SNRK: variants seen among roughly 807,000 people sequenced by gnomAD.
The protein encoded by SNRK is SNF-related serine/threonine-protein kinase.
A neutral mutation model predicts 48.2 loss-of-function variants in SNRK; 3 were observed. The observed-to-expected ratio is 0.06, with a 90% CI of 0.03 to 0.16. The LOEUF (loss-of-function observed/expected upper bound fraction) is 0.16. Among genes scored for constraint, SNRK ranks in the 10% least tolerant of loss-of-function variants. The pLI is 1.00. For synonymous variants in SNRK, 376 were observed against 366.1 expected, an observed-to-expected ratio of 1.03 and a Z score of -0.31; for missense variants, 627 against 976.0, an observed-to-expected ratio of 0.64 and a Z score of 4.76.
intron 1 of SNRK, among the ~76,000 whole-genome samples, chr3:43,287,572 A>G (rs1335068708): frequency 6.6e-6 from 1 of 152,144 alleles, no homozygotes; most frequent in Non-Finnish European, 1.5e-5. Flanking sequence ...CCTTCCCTTT[A>G]ATTATGTGCA....
intron 3 of SNRK, among the ~76,000 whole-genome samples, chr3:43,321,888 A>G (rs74342330): frequency 0.01 from 1,579 of 152,334 alleles, 23 homozygotes; most frequent in African/African-American, 0.035. Flanking sequence ...TGACTTAATG[A>G]GCAGGTGAAT....
Position 43,347,367 on chromosome 3 carries a change from C to A in SNRK, c.1108C>A (p.Pro370Thr). Reference sequence around the variant, plus strand: ...GTCATGGCCAACCAAAATTGATGTACCCCAGGACCTTGAGGATGACCTCAC... The same window carrying A: ...GTCATGGCCAACCAAAATTGATGTAACCCAGGACCTTGAGGATGACCTCAC... ...RQSWPTKIDV[P>T]QDLEDDLTAT... Residue 370 changes from proline (P) to threonine (T), a missense_variant, in exon 7 of 7, where the codon CCC becomes ACC. By Grantham distance (38) the Pro-to-Thr change is conservative. Coordinates refer to ENST00000296088, the MANE Select transcript of SNRK (RefSeq NM_017719.5). This position sits in a 1 kb window ranked among gnomAD's most constrained non-coding sequence, Gnocchi z 5.4. 1 of 1,594,198 alleles carries A rather than the reference C, an allele frequency of 6.3e-7. No homozygotes were observed. Among genetic ancestry groups the A allele is most frequent in the South Asian group, 1.1e-5 (1 of 87,702 alleles).
chr3:43,320,321 A>G lies in SNRK; in HGVS notation c.590-11848A>G, dbSNP rs192688572. ...CTTGTAGATGTTTGGTATATTTTATATGGTTTTCTTAAAAACCCATTTTGT... is the reference window on the plus strand; with the variant it reads ...CTTGTAGATGTTTGGTATATTTTATGTGGTTTTCTTAAAAACCCATTTTGT... On this transcript the variant is annotated intron_variant, in intron 3 of 6. Coordinates refer to ENST00000296088, the MANE Select transcript of SNRK (RefSeq NM_017719.5). Among the ~76,000 whole-genome samples the G allele has an allele frequency of 3.9e-4, 60 of 152,308 alleles. 3 individuals carry two copies. In the East Asian group the frequency reaches 0.011, roughly 29 times the overall value.
intron 1 of SNRK, among the ~76,000 whole-genome samples, chr3:43,297,723 A>G (rs976895660): frequency 6.6e-5 from 10 of 152,160 alleles, no homozygotes; most frequent in African/African-American, 2.4e-4. Context: ...AGGAGTATTA[A>G]GTCCTTTTTG....
intron 3 of SNRK, among the ~76,000 whole-genome samples, chr3:43,309,715 C>T (rs1263222601): frequency 6.6e-6 from 1 of 151,466 alleles, no homozygotes; most frequent in Non-Finnish European, 1.5e-5. Flanking sequence ...CTCCTGGGCT[C>T]AAGCAATCCT....
chr3:43,348,390 A>T lies in SNRK; in HGVS notation c.2131A>T (p.Met711Leu). The T allele has an allele frequency of 6.2e-7, 1 of 1,610,754 alleles. No homozygotes were observed. ...VGGIKFFSDH[M>L]ADTTTELERI... is the part of the protein sequence containing the mutation. Reference sequence around the variant, plus strand: ...CGGCATAAAGTTTTTCTCTGACCACATGGCAGATACCACCACTGAATTGGA... The same window carrying T: ...CGGCATAAAGTTTTTCTCTGACCACTTGGCAGATACCACCACTGAATTGGA... Residue 711 changes from methionine (M) to leucine (L), a missense_variant, in exon 7 of 7, where the codon ATG becomes TTG. By Grantham distance (15) the Met-to-Leu change is conservative. Coordinates refer to ENST00000296088, the MANE Select transcript of SNRK (RefSeq NM_017719.5).
In SNRK at chr3:43,347,563, C is replaced by T. The variant is rs1255955990; in HGVS notation, c.1304C>T (p.Thr435Ile). Reference sequence around the variant, plus strand: ...GTGCCACCCGCAAGCTTAAAACCCACAGCCAGTGGGCGGAAGTGTCTGTTC... The same window carrying T: ...GTGCCACCCGCAAGCTTAAAACCCATAGCCAGTGGGCGGAAGTGTCTGTTC... ...STVPPASLKP[T>I]ASGRKCLFRV... Residue 435 changes from threonine to isoleucine, a missense_variant, in exon 7 of 7, where the codon ACA (threonine) becomes ATA (isoleucine). Thr to Ile is a moderately conservative substitution (Grantham distance 89, BLOSUM62 -1). This residue lies in a region of SNRK where 175 missense variants were observed against 209.7 expected (regional missense o/e 0.83). Transcript: ENST00000296088. The surrounding 1 kb of genome is among the most constrained non-coding windows in gnomAD (Gnocchi z 5.4). 3 of 1,613,844 alleles carry T rather than the reference C, an allele frequency of 1.9e-6. No homozygotes were observed. The highest frequency in any genetic ancestry group is 2.7e-5 in the African/African-American group (2 of 74,906).
chr3:43,342,821 C>G (rs979610675), intron 5 of SNRK, among the ~76,000 whole-genome samples: 1 of 152,192 alleles, frequency 6.6e-6, no homozygotes, highest in Non-Finnish European at 1.5e-5. Context: ...TTGATGGTGA[C>G]ATGCTTTCAA....
chr3:43,300,589 T>C (rs1307415732), intron 2 of SNRK, among the ~76,000 whole-genome samples: 1 of 136,492 alleles, frequency 7.3e-6, no homozygotes, highest in Non-Finnish European at 1.6e-5. Flanking sequence ...TGAAGTTAAA[T>C]ATTTAAAGAT....
rs985320827 is a variant in SNRK at position 43,349,443 on chromosome 3, C to G, written c.*886C>G. Reference sequence around the variant, plus strand: ...TATAGGGCCTAGTACAGAAGGTGCACACAAATGTTGGCAAAGTCAAAACCC... The same window carrying G: ...TATAGGGCCTAGTACAGAAGGTGCAGACAAATGTTGGCAAAGTCAAAACCC... On this transcript the variant is annotated 3_prime_UTR_variant, in exon 7 of 7. Transcript: ENST00000296088. 3 of 152,194 alleles carry G rather than the reference C, an allele frequency of 2.0e-5. No individual in the cohort carries two copies. Among genetic ancestry groups the G allele is most frequent in the Non-Finnish European group, 4.4e-5 (3 of 68,024 alleles). The allele number at this position is 152,194 out of a possible 1,614,324, so 9.4% of individuals were successfully genotyped here.
At position 43,348,845 on chromosome 3, in the gene SNRK, A is replaced by G. The variant is rs2091300582; in HGVS notation, c.*288A>G. ...TATATCTGGAACCTCTTATAAATGGAGCACTTAGAAATTTGTTGTTCTGCA... is the reference window on the plus strand; with the variant it reads ...TATATCTGGAACCTCTTATAAATGGGGCACTTAGAAATTTGTTGTTCTGCA... On this transcript the variant is annotated 3_prime_UTR_variant, in exon 7 of 7. Coordinates refer to ENST00000296088, the MANE Select transcript of SNRK (RefSeq NM_017719.5). 1 of 274,138 alleles carries G rather than the reference A, an allele frequency of 3.6e-6. No individual in the cohort carries two copies. The allele number at this position is 274,138 out of a possible 1,614,324, so 17.0% of individuals were successfully genotyped here.
At chr3:43,314,827 T>A (rs950801734) in intron 3 of SNRK, 1 of 152,250 alleles carries the variant, frequency 6.6e-6, no homozygotes, top group Non-Finnish European at 1.5e-5. Flanking sequence ...GGAAGATTGC[T>A]TGAGCCCAGG....
rs934355364 is a variant in SNRK at position 43,318,464 on chromosome 3, A to G, written c.590-13705A>G. Among the ~76,000 whole-genome samples, 4 of 152,202 alleles carry G rather than the reference A, an allele frequency of 2.6e-5. No homozygotes were observed. In the South Asian group the frequency reaches 8.3e-4, roughly 32 times the overall value. On this transcript the variant is annotated intron_variant, in intron 3 of 6. Coordinates refer to ENST00000296088, the MANE Select transcript of SNRK (RefSeq NM_017719.5). ...ACAGTAGCTATTTTAGTACAAAAATACATATGGAAGCTGAATCAACTTACA... is the reference window on the plus strand; with the variant it reads ...ACAGTAGCTATTTTAGTACAAAAATGCATATGGAAGCTGAATCAACTTACA...
Position 43,348,072 on chromosome 3 carries a change from G to T in SNRK, c.1813G>T (p.Gly605Trp). ...KASPSENNAG[G>W]GSPSSGSGGN... ...CAGCCCCAGTGAGAACAATGCTGGT[G>T]GGGGCAGTCCCTCCAGCGGCTCGGG... The change falls in exon 7 of 7, where the codon GGG becomes TGG. Residue 605 changes from glycine to tryptophan, a missense_variant. Transcript: ENST00000296088. 1 of 1,600,600 alleles carries T rather than the reference G, an allele frequency of 6.2e-7. No individual in the cohort carries two copies. Among genetic ancestry groups the T allele is most frequent in the Non-Finnish European group, 8.5e-7 (1 of 1,173,222 alleles).
At chr3:43,312,270 T>G (rs993806294) in intron 3 of SNRK, among the ~76,000 whole-genome samples, 4 of 152,198 alleles carry the variant, frequency 2.6e-5, no homozygotes, top group Admixed American at 6.5e-5. Context: ...GGATTTAGAT[T>G]AAGTCTTGAA....
chr3:43,314,890 TAAA>T (rs1389278869), intron 3 of SNRK: 1 of 151,938 alleles, frequency 6.6e-6, no homozygotes, highest in Non-Finnish European at 1.5e-5. Context: ...AAAAAATTTT[TAAA>T]AAAAGGTCAT....
chr3:43,295,131 G>A (rs1277801699), intron 1 of SNRK, among the ~76,000 whole-genome samples: 4 of 152,204 alleles, frequency 2.6e-5, no homozygotes, highest in Non-Finnish European at 5.9e-5. Flanking sequence ...TTTCATCTGT[G>A]TTGCTGGTCC....
chr3:43,314,355 A>G (rs1033772774), intron 3 of SNRK, among the ~76,000 whole-genome samples: 1 of 152,238 alleles, frequency 6.6e-6, no homozygotes, highest in Non-Finnish European at 1.5e-5. Context: ...TCCCTGGTCT[A>G]TCTGAAATGA....
intron 1 of SNRK, among the ~76,000 whole-genome samples, chr3:43,289,055 C>G (rs1203799526): frequency 6.6e-6 from 1 of 152,122 alleles, no homozygotes; most frequent in African/African-American, 2.4e-5. Context: ...TGAATAAAAA[C>G]CAGTTCCTGA....
Sources: allele counts gnomAD v4.1 joint callset (sites outside exome capture counted in the v4.1 genomes callset), GRCh38; gene constraint gnomAD v4.1.1; regional missense constraint gnomAD v4.1.1; non-coding constraint Gnocchi (gnomAD v3.1); transcripts MANE v1.5; gene names NCBI Gene and HGNC (gene_info 2026-07-23, HGNC 2026-07-21).